DYNLT2B: variants seen among roughly 807,000 people sequenced by gnomAD.
DYNLT2B encodes the protein dynein light chain Tctex-type 2B, also known as dynein light chain Tctex-type protein 2B.
DYNLT2B carries 14 observed loss-of-function variants against 19.5 expected under a neutral mutation model. The observed-to-expected ratio is 0.72, with a 90% CI of 0.47 to 1.12. The LOEUF is 1.12. Among genes scored for constraint, DYNLT2B ranks in the 50% most tolerant of loss-of-function variants. DYNLT2B has a pLI of 0.00. For synonymous variants in DYNLT2B, 70 were observed against 59.7 expected, an observed-to-expected ratio of 1.17 and a Z score of -0.79; for missense variants, 133 against 174.7, an observed-to-expected ratio of 0.76 and a Z score of 1.35.
At position 196,305,202 on chromosome 3, in the gene DYNLT2B, A is replaced by G. The variant is rs1408737367; in HGVS notation, c.317+1741T>C. On this transcript the variant is annotated intron_variant, in intron 3 of 4. Transcript: ENST00000325318. ...CCCGGCCCTGATGGGAAACTTTATA[A>G]TAGATGGATCCATCTGACAATATCT... 5.3e-5 allele frequency among the ~76,000 whole-genome samples: 8 copies of G among 152,112 alleles called. No individual in the cohort carries two copies. The East Asian group carries it at 1.3e-3, about 26-fold the overall frequency.
rs188989117 is a variant in DYNLT2B, at chr3:196,302,708, G to A, written c.317+4235C>T. ...TGCTCTTTCAGTGTGGGCTGCACACGATGATTTCCTCCTAATGAGTACAGG... is the reference window on the plus strand; with the variant it reads ...TGCTCTTTCAGTGTGGGCTGCACACAATGATTTCCTCCTAATGAGTACAGG... On this transcript the variant is annotated intron_variant, in intron 3 of 4. Transcript: ENST00000325318. Among the ~76,000 whole-genome samples, 79 of 152,196 alleles carry A rather than the reference G, an allele frequency of 5.2e-4. 1 individual carries two copies. The highest frequency in any genetic ancestry group is 3.3e-3 in the Admixed American group (50 of 15,262).
At chr3:196,305,392 G>A (rs951608902) in intron 3 of DYNLT2B, among the ~76,000 whole-genome samples, 1 of 152,156 alleles carries the variant, frequency 6.6e-6, no homozygotes, top group African/African-American at 2.4e-5. Context: ...ACAGGAAATA[G>A]AAGACATATT....
In DYNLT2B at chr3:196,317,283, G is replaced by T. The variant is rs1184757798; in HGVS notation, c.113+757C>A. Among the ~76,000 whole-genome samples, 17 of 83,656 alleles carry T rather than the reference G, an allele frequency of 2.0e-4. 1 individual carries two copies. Among genetic ancestry groups the T allele is most frequent in the East Asian group, 2.4e-3 (2 of 834 alleles). 54.9% of individuals were successfully genotyped at this position (83,656 alleles called of 152,430 possible). A position where few individuals can be genotyped will look rare whatever the true frequency, so the allele number is the denominator to read the frequency against. Reference sequence around the variant, plus strand: ...TTTTTTTTCAGTGTGTGTGTGTGTTGTGTGTGTGTGTGTGTGTAAAGTTAG... The same window carrying T: ...TTTTTTTTCAGTGTGTGTGTGTGTTTTGTGTGTGTGTGTGTGTAAAGTTAG... On this transcript the variant is annotated intron_variant, in intron 1 of 4. Coordinates refer to ENST00000325318, the MANE Select transcript of DYNLT2B (RefSeq NM_152773.5).
At position 196,318,066 on chromosome 3, in the gene DYNLT2B, A is replaced by G; in HGVS notation, c.87T>C (p.Tyr29=). 2 of 1,558,500 alleles carry G rather than the reference A, an allele frequency of 1.3e-6. No homozygotes were observed. The highest frequency in any genetic ancestry group is 1.4e-5 in the African/African-American group (1 of 70,418). ...EKNAGEPENT[Y]ILRPVFQQRF... is the part of the protein sequence containing the mutation. Reference sequence around the variant, plus strand: ...TCTGCTGGAAAACAGGCCGCAGAATATAGGTGTTCTCGGGCTCCCCTGCGT... The same window carrying G: ...TCTGCTGGAAAACAGGCCGCAGAATGTAGGTGTTCTCGGGCTCCCCTGCGT... Residue 29 remains tyrosine, a synonymous_variant, in exon 1 of 5, where the codon TAT becomes TAC. Transcript: ENST00000325318.
chr3:196,316,587 T>TA (rs998682407), intron 1 of DYNLT2B, among the ~76,000 whole-genome samples: 7 of 151,874 alleles, frequency 4.6e-5, no homozygotes, highest in Non-Finnish European at 8.8e-5. Flanking sequence ...TAAAATAAAA[T>TA]AAAAAAATAC....
At chr3:196,312,244 C>T (rs943437836) in intron 2 of DYNLT2B, among the ~76,000 whole-genome samples, 1 of 151,326 alleles carries the variant, frequency 6.6e-6, no homozygotes, top group Non-Finnish European at 1.5e-5. Context: ...TCTCAAACTC[C>T]TGACCTCAGG....
chr3:196,292,958 A>G (rs1444734601), intron 4 of DYNLT2B, among the ~76,000 whole-genome samples: 1 of 152,078 alleles, frequency 6.6e-6, no homozygotes, highest in Non-Finnish European at 1.5e-5. Context: ...GGTTCAAGCA[A>G]TTCTCCTGCC....
chr3:196,306,948 T>G lies in DYNLT2B; in HGVS notation c.312A>C (p.Gly104=), dbSNP rs1430587980. ...QVVIGEQRGE[G]VFMASRCFWD... is the part of the protein sequence containing the mutation. Reference sequence around the variant, plus strand: ...AGGAAAATCCAGCTACTCACAATACTCCTTCACCTCTTTGTTCTCCAATCA... The same window carrying G: ...AGGAAAATCCAGCTACTCACAATACGCCTTCACCTCTTTGTTCTCCAATCA... Residue 104 remains glycine, a synonymous_variant, in exon 3 of 5, where the codon GGA becomes GGC. Transcript: ENST00000325318. 6.2e-7 allele frequency: 1 copy of G among 1,613,598 alleles called. No individual in the cohort carries two copies. The highest frequency in any genetic ancestry group is 8.5e-7 in the Non-Finnish European group (1 of 1,179,520).
At chr3:196,314,879 G>A (rs1242668951) in intron 2 of DYNLT2B, among the ~76,000 whole-genome samples, 1 of 152,064 alleles carries the variant, frequency 6.6e-6, no homozygotes, top group Non-Finnish European at 1.5e-5. Context: ...GAACAGGGTA[G>A]GAAAAGCACA....
At chr3:196,309,683 C>T (rs140817917) in intron 2 of DYNLT2B, among the ~76,000 whole-genome samples, 185 of 151,932 alleles carry the variant, frequency 1.2e-3, no homozygotes, top group African/African-American at 4.1e-3. Context: ...TGGCTGGGCA[C>T]GGTGGCCCAC....
At chr3:196,308,891 C>T (rs1267621374) in intron 2 of DYNLT2B, among the ~76,000 whole-genome samples, 1 of 151,928 alleles carries the variant, frequency 6.6e-6, no homozygotes, top group Non-Finnish European at 1.5e-5. Flanking sequence ...AAAATAGTCT[C>T]AGATATGGTG....
chr3:196,318,117 G>A lies in DYNLT2B; in HGVS notation c.36C>T (p.Gly12=), dbSNP rs760110947. The A allele has an allele frequency of 1.8e-5, 28 of 1,557,226 alleles. No homozygotes were observed. The South Asian group carries it at 2.4e-4, about 13-fold the overall frequency. The stretch of plus-strand genomic sequence containing the variant: ...TCTTCTCAGCCTCAGGCACCCCGTC[G>A]CCCACCGAGAAGGACACTCCGATGG... ...ATSIGVSFSV[G]DGVPEAEKNA... The change falls in exon 1 of 5, where the codon GGC becomes GGT. Residue 12 remains glycine, a synonymous_variant. Coordinates refer to ENST00000325318, the MANE Select transcript of DYNLT2B (RefSeq NM_152773.5).
chr3:196,291,737 CCAAAAGTGCTGGGAT>C (rs1339882522), intron 4 of DYNLT2B, among the ~76,000 whole-genome samples: 2 of 152,208 alleles, frequency 1.3e-5, no homozygotes, highest in Non-Finnish European at 2.9e-5. Context: ...ATGTTGGTCT[CCAAAAGTGCTGGGAT>C]CATAGGCGTG....
chr3:196,295,759 T>C (rs995191656), intron 4 of DYNLT2B, among the ~76,000 whole-genome samples: 1 of 152,218 alleles, frequency 6.6e-6, no homozygotes, highest in African/African-American at 2.4e-5. Flanking sequence ...CTAAATAATA[T>C]GCTATTCAGA....
chr3:196,301,683 A>C (rs1726357879), intron 3 of DYNLT2B, among the ~76,000 whole-genome samples: 1 of 152,082 alleles, frequency 6.6e-6, no homozygotes, highest in Non-Finnish European at 1.5e-5. Context: ...ACTGCACTCC[A>C]GCCTGGGTGA....
chr3:196,295,998 A>G lies in DYNLT2B; in HGVS notation c.381+8T>C. ...AGAAAGGGAAAAGAGGTTTCCAAAT[A>G]CACTTACATTCATGAAAACATCATG... On this transcript the variant is annotated splice_region_variant and intron_variant, in intron 4 of 4. Coordinates refer to ENST00000325318, the MANE Select transcript of DYNLT2B (RefSeq NM_152773.5). 1.2e-6 allele frequency: 2 copies of G among 1,610,662 alleles called. 1 individual carries two copies. The highest frequency in any genetic ancestry group is 2.2e-5 in the South Asian group (2 of 90,580).
At chr3:196,299,527 C>G (rs189265429) in intron 3 of DYNLT2B, among the ~76,000 whole-genome samples, 2 of 152,022 alleles carry the variant, frequency 1.3e-5, no homozygotes, top group Non-Finnish European at 2.9e-5. Context: ...CCAGCAGAGT[C>G]GGCAGTCTTA....
intron 4 of DYNLT2B, 124 bp downstream of exon 4, chr3:196,295,882 C>A: frequency 1.2e-6 from 1 of 807,398 alleles, no homozygotes; most frequent in East Asian, 2.6e-5. Context: ...AAAATCATTT[C>A]ATTCACAAGT....
chr3:196,305,586 A>C (rs1726465133), intron 3 of DYNLT2B: 1 of 152,254 alleles, frequency 6.6e-6, no homozygotes, highest in Non-Finnish European at 1.5e-5. Flanking sequence ...GGATCACCTG[A>C]GGTCAGGAGT....
Sources: allele counts gnomAD v4.1 joint callset (sites outside exome capture counted in the v4.1 genomes callset), GRCh38; gene constraint gnomAD v4.1.1; transcripts MANE v1.5; gene names NCBI Gene and HGNC (gene_info 2026-07-23, HGNC 2026-07-21).